The following ARHGAP32 variants were observed in gnomAD, a reference collection of about 807,000 sequenced individuals.
ARHGAP32 encodes the protein rho GTPase-activating protein 32.
In ARHGAP32, 51 loss-of-function variants were observed where a neutral mutation model predicts 186.5. That is an observed-to-expected ratio of 0.27 (90% CI 0.22 to 0.35). The LOEUF is 0.35. Ranked by LOEUF, ARHGAP32 falls within the 10% of genes least tolerant of loss-of-function variation. The pLI, the probability that ARHGAP32 is intolerant of heterozygous loss-of-function variation, is 1.00. For synonymous variants in ARHGAP32, 950 were observed against 964.3 expected (o/e 0.99, Z 0.27); for missense variants, 2,186 against 2,623.5 (o/e 0.83, Z 3.64).
chr11:129,039,360 T>C (rs375000144), intron 11 of ARHGAP32, among the ~76,000 whole-genome samples: 18 of 152,276 alleles, frequency 1.2e-4, no homozygotes, highest in African/African-American at 4.3e-4. Flanking sequence ...ATGCATACAA[T>C]GAAATGTTAT....
chr11:129,163,248 GATGA>G (rs1285283739), intron 2 of ARHGAP32, among the ~76,000 whole-genome samples: 1 of 152,170 alleles, frequency 6.6e-6, no homozygotes, highest in Non-Finnish European at 1.5e-5. Context: ...AGCACTGATA[GATGA>G]ATGTTTCCAT....
chr11:129,026,005 T>C (rs1235632706), intron 11 of ARHGAP32, among the ~76,000 whole-genome samples: 2 of 151,840 alleles, frequency 1.3e-5, no homozygotes, highest in Non-Finnish European at 2.9e-5. Flanking sequence ...TCCACAATCA[T>C]TGGCCTGTGT....
intron 1 of ARHGAP32, among the ~76,000 whole-genome samples, chr11:129,178,461 C>T (rs920274804): frequency 6.6e-6 from 1 of 151,974 alleles, no homozygotes; most frequent in African/African-American, 2.4e-5. Flanking sequence ...TCATATGGAA[C>T]CAAAAAAGAG....
chr11:128,970,388 G>A lies in ARHGAP32; in HGVS notation c.4825C>T (p.Arg1609Cys), dbSNP rs371088515. 36 of 1,614,158 alleles carry A rather than the reference G, an allele frequency of 2.2e-5. No individual in the cohort carries two copies. The highest frequency in any genetic ancestry group is 1.6e-4 in the Middle Eastern group (1 of 6,062). Reference sequence around the variant, plus strand: ...TCTGTCCGTGAAATGGGAACAGAGCGAATCATGGAAGACGGCGGAGCATGG... The same window carrying A: ...TCTGTCCGTGAAATGGGAACAGAGCAAATCATGGAAGACGGCGGAGCATGG... ...SLHAPPSSMI[R>C]SVPISRTEVP... The change falls in exon 23 of 23, where the codon CGC (arginine) becomes TGC (cysteine). Residue 1609 changes from arginine to cysteine, a missense_variant. Transcript: ENST00000682385. This position sits in a 1 kb window ranked among gnomAD's most constrained non-coding sequence, Gnocchi z 5.8.
At chr11:128,999,288 C>T (rs764301909) in intron 11 of ARHGAP32, among the ~76,000 whole-genome samples, 3 of 152,156 alleles carry the variant, frequency 2.0e-5, no homozygotes, top group Non-Finnish European at 4.4e-5. Flanking sequence ...CCTGCGGTGC[C>T]CCCAGGCTTA....
upstream of ARHGAP32, among the ~76,000 whole-genome samples, chr11:129,193,142 A>G (rs895965480): frequency 1.3e-5 from 2 of 151,904 alleles, no homozygotes; most frequent in African/African-American, 4.8e-5. Context: ...AAAAATTAAG[A>G]AGACATCTAC....
upstream of ARHGAP32, among the ~76,000 whole-genome samples, chr11:129,193,651 CATATACAATATATATT>C (rs1565464773): frequency 1.7e-4 from 8 of 46,922 alleles, 1 homozygote; most frequent in Admixed American, 6.2e-4. Context: ...TTATATAATA[CATATACAATATATATT>C]ATATATAATA....
chr11:129,213,593 A>G (rs1038474125), intron 1 of ARHGAP32, among the ~76,000 whole-genome samples: 2 of 152,186 alleles, frequency 1.3e-5, no homozygotes, highest in African/African-American at 4.8e-5. Context: ...TATTAATATT[A>G]TATGATAATA....
intron 6 of ARHGAP32, among the ~76,000 whole-genome samples, chr11:129,087,424 A>T (rs1267062203): frequency 6.6e-6 from 1 of 152,216 alleles, no homozygotes; most frequent in Admixed American, 6.5e-5. Flanking sequence ...AGTGAAATGA[A>T]CTCTCAAGCC....
intron 1 of ARHGAP32, among the ~76,000 whole-genome samples, chr11:129,189,299 A>G (rs1429745573): frequency 3.3e-5 from 5 of 152,140 alleles, no homozygotes; most frequent in Non-Finnish European, 5.9e-5. Context: ...CACCATGACA[A>G]ATGTGGGCTG....
chr11:129,159,153 A>G (rs934815195), intron 2 of ARHGAP32, among the ~76,000 whole-genome samples: 14 of 152,222 alleles, frequency 9.2e-5, no homozygotes, highest in Admixed American at 9.2e-4. Flanking sequence ...GAACTAGAGA[A>G]GCAAGAGCAA....
chr11:129,259,166 AATTT>A (rs1259164138), intron 1 of ARHGAP32, among the ~76,000 whole-genome samples: 2 of 152,210 alleles, frequency 1.3e-5, no homozygotes, highest in South Asian at 2.1e-4. Context: ...ACATCTTCAT[AATTT>A]ATTAATCATG....
intron 1 of ARHGAP32, among the ~76,000 whole-genome samples, chr11:129,221,821 T>A (rs1007610082): frequency 5.9e-5 from 9 of 151,992 alleles, no homozygotes; most frequent in Non-Finnish European, 8.8e-5. Flanking sequence ...CTAAAAAAAA[T>A]TTTTTTAAAT....
chr11:129,278,211 A>G (rs1359882552), intron 1 of ARHGAP32, among the ~76,000 whole-genome samples: 1 of 152,274 alleles, frequency 6.6e-6, no homozygotes, highest in African/African-American at 2.4e-5. Flanking sequence ...AGAGATGCTG[A>G]CAACAATGCT....
At chr11:129,037,666 A>G (rs1939407502) in intron 11 of ARHGAP32, among the ~76,000 whole-genome samples, 1 of 151,954 alleles carries the variant, frequency 6.6e-6, no homozygotes, top group African/African-American at 2.4e-5. Context: ...AGCTGATTCT[A>G]AAGCCATAAG....
chr11:129,037,600 C>T (rs1939403131), intron 11 of ARHGAP32, among the ~76,000 whole-genome samples: 1 of 151,884 alleles, frequency 6.6e-6, no homozygotes, highest in Non-Finnish European at 1.5e-5. Flanking sequence ...CCGAGTTGAT[C>T]TACAGGTTCA....
Position 129,128,830 on chromosome 11 carries a change from C to T in ARHGAP32, c.226-3936G>A, listed in dbSNP as rs1431082572. ...CAGCTCCTGACCGCAAGTGATCTGC[C>T]TGCCTCGGCCTCCCGAGGTGCCGGG... On this transcript the variant is annotated intron_variant, in intron 2 of 22. Coordinates refer to ENST00000682385, the MANE Select transcript of ARHGAP32 (RefSeq NM_001378024.1). Among the ~76,000 whole-genome samples, 2 of 152,242 alleles carry T rather than the reference C, an allele frequency of 1.3e-5. 1 individual carries two copies. Among genetic ancestry groups the T allele is most frequent in the African/African-American group, 4.8e-5 (2 of 41,466 alleles).
intron 1 of ARHGAP32, among the ~76,000 whole-genome samples, chr11:129,174,072 CA>C (rs1943838731): frequency 6.6e-6 from 1 of 152,214 alleles, no homozygotes; most frequent in Non-Finnish European, 1.5e-5. Context: ...GGGCACAGGA[CA>C]GTGGGTGCGC....
intron 5 of ARHGAP32, among the ~76,000 whole-genome samples, chr11:129,115,852 A>G (rs1312003606): frequency 6.6e-6 from 1 of 152,052 alleles, no homozygotes. Context: ...TTTTGTTTAC[A>G]TTTCAGAGCA....
Sources: allele counts gnomAD v4.1 joint callset (sites outside exome capture counted in the v4.1 genomes callset), GRCh38; gene constraint gnomAD v4.1.1; non-coding constraint Gnocchi (gnomAD v3.1); transcripts MANE v1.5; gene names NCBI Gene and HGNC (gene_info 2026-07-23, HGNC 2026-07-21).